Variants in NCMAP observed in about 807,000 individuals in gnomAD.
NCMAP encodes non-compact myelin associated protein.
NCMAP carries 8 observed loss-of-function variants against 7.8 expected under a neutral mutation model. The ratio of observed to expected loss-of-function variants is 1.02; its 90% confidence interval spans 0.60 to 1.84. NCMAP has a LOEUF of 1.84. NCMAP is among the 40% of genes most tolerant of loss of function. NCMAP has a pLI of 0.00. For missense variants in NCMAP, 112 were observed against 131.4 expected, an observed-to-expected ratio of 0.85 and a Z score of 0.72; for synonymous variants, 41 against 52.9, an observed-to-expected ratio of 0.78 and a Z score of 0.98.
At chr1:24,567,614 G>C (rs1651264796) in intron 1 of NCMAP, among the ~76,000 whole-genome samples, 1 of 151,928 alleles carries the variant, frequency 6.6e-6, no homozygotes, top group Admixed American at 6.6e-5. Context: ...AACTAGAGAG[G>C]AGTCGCAAAG....
intron 2 of NCMAP, 25 bp from the exon 3 acceptor site, chr1:24,600,915 G>T (rs755779908): frequency 5.0e-6 from 8 of 1,610,752 alleles, no homozygotes; most frequent in Non-Finnish European, 6.8e-6. Flanking sequence ...CACATTCACG[G>T]TCTCTGCTTC....
At chr1:24,596,784 AG>A (rs1652244101) in intron 2 of NCMAP, among the ~76,000 whole-genome samples, 1 of 152,242 alleles carries the variant, frequency 6.6e-6, no homozygotes, top group Non-Finnish European at 1.5e-5. Context: ...AAATGAATGT[AG>A]GCGGGAAGAG....
At chr1:24,581,301 G>C (rs1029887469) in intron 1 of NCMAP, among the ~76,000 whole-genome samples, 1 of 152,090 alleles carries the variant, frequency 6.6e-6, no homozygotes, top group Non-Finnish European at 1.5e-5. Flanking sequence ...ATTTTTAGTA[G>C]AGATGGGGTT....
intron 2 of NCMAP, among the ~76,000 whole-genome samples, chr1:24,596,673 G>C (rs544788504): frequency 4.6e-4 from 70 of 152,296 alleles, no homozygotes; most frequent in African/African-American, 1.6e-3. Context: ...GTGACAGAGC[G>C]AGAACTTGTC....
chr1:24,597,631 GAAAGAAAGAA>G (rs1652289898), intron 2 of NCMAP, among the ~76,000 whole-genome samples: 2 of 113,018 alleles, frequency 1.8e-5, no homozygotes, highest in African/African-American at 7.9e-5. Flanking sequence ...AAGAAAGAAA[GAAAGAAAGAA>G]AGAAAGAAAG....
intron 1 of NCMAP, among the ~76,000 whole-genome samples, chr1:24,565,234 C>A (rs1308863834): frequency 6.6e-6 from 1 of 151,126 alleles, no homozygotes; most frequent in African/African-American, 2.4e-5. Flanking sequence ...TCTGCCATAA[C>A]CAGGAAAGTG....
chr1:24,579,811 T>C (rs1420799125), intron 1 of NCMAP, among the ~76,000 whole-genome samples: 2 of 152,216 alleles, frequency 1.3e-5, no homozygotes, highest in East Asian at 1.9e-4. Context: ...AGCCTCTCCA[T>C]AGGCCGACTG....
intron 3 of NCMAP, among the ~76,000 whole-genome samples, chr1:24,602,321 T>TTTATAAAGGGAG (rs1390180480): frequency 2.5e-4 from 37 of 149,510 alleles, no homozygotes; most frequent in African/African-American, 7.9e-4. Flanking sequence ...ATGAATATTA[T>TTTATAAAGGGAG]CCTGTAATCC....
intron 2 of NCMAP, among the ~76,000 whole-genome samples, chr1:24,597,946 A>T (rs1027286167): frequency 6.6e-6 from 1 of 151,084 alleles, no homozygotes; most frequent in Non-Finnish European, 1.5e-5. Flanking sequence ...TTGTCTGGAG[A>T]TATCTTAGTA....
At chr1:24,587,526 CT>C (rs768561596) in intron 1 of NCMAP, among the ~76,000 whole-genome samples, 3 of 151,802 alleles carry the variant, frequency 2.0e-5, no homozygotes, top group Non-Finnish European at 4.4e-5. Context: ...CTTTTCTTTT[CT>C]TTTTTTTACA....
chr1:24,583,147 C>G (rs1192371613), intron 1 of NCMAP, among the ~76,000 whole-genome samples: 2 of 152,120 alleles, frequency 1.3e-5, no homozygotes, highest in Non-Finnish European at 2.9e-5. Context: ...CAGTGATTCT[C>G]AAGCAGAGAA....
chr1:24,577,494 C>G (rs1373562215), intron 1 of NCMAP, among the ~76,000 whole-genome samples: 1 of 145,360 alleles, frequency 6.9e-6, no homozygotes, highest in Non-Finnish European at 1.5e-5. Flanking sequence ...AGGCTGGCCT[C>G]CAGCTCCTGG....
At chr1:24,564,378 TG>T (rs1465584874) in intron 1 of NCMAP, among the ~76,000 whole-genome samples, 1 of 151,170 alleles carries the variant, frequency 6.6e-6, no homozygotes, top group Non-Finnish European at 1.5e-5. Flanking sequence ...GGTGTGGTGG[TG>T]GGCGCCTGTA....
At chr1:24,601,139 A>G in intron 3 of NCMAP, 115 bp downstream of exon 3, 3 of 794,198 alleles carry the variant, frequency 3.8e-6, no homozygotes, top group Non-Finnish European at 6.5e-6. Flanking sequence ...CTCAGCCTTT[A>G]GTAAATGCTC....
At chr1:24,581,642 A>G (rs947799717) in intron 1 of NCMAP, among the ~76,000 whole-genome samples, 4 of 152,188 alleles carry the variant, frequency 2.6e-5, no homozygotes, top group African/African-American at 9.7e-5. Context: ...AACCCAGCGC[A>G]CTTCCTCTAG....
At chr1:24,604,188 C>CT (rs11293231) in intron 3 of NCMAP, among the ~76,000 whole-genome samples, 15 of 152,080 alleles carry the variant, frequency 9.9e-5, no homozygotes, top group South Asian at 2.1e-4. Flanking sequence ...CCAATGCAGG[C>CT]TTTTTTGGGG....
At chr1:24,590,750 G>T (rs1480876450) in intron 1 of NCMAP, among the ~76,000 whole-genome samples, 3 of 152,148 alleles carry the variant, frequency 2.0e-5, no homozygotes, top group Non-Finnish European at 4.4e-5. Context: ...GGGGACTACA[G>T]GCACACACCA....
chr1:24,576,766 GT>G lies in NCMAP; in HGVS notation c.-7-18654del, dbSNP rs1260791107. ...CCCCATCTCAGGCCTCTCTGTTGGA[GT>G]TTTCAAGATGGCCGTGTTAAGTAGG... On this transcript the variant is annotated intron_variant, in intron 1 of 3. Transcript: ENST00000374392. This position sits in a 1 kb window ranked among gnomAD's most constrained non-coding sequence, Gnocchi z 4.0. Among the ~76,000 whole-genome samples the G allele has an allele frequency of 6.6e-6, 1 of 152,170 alleles. No individual in the cohort carries two copies. Among genetic ancestry groups the G allele is most frequent in the Non-Finnish European group, 1.5e-5 (1 of 68,030 alleles).
intron 2 of NCMAP, 114 bp from the exon 3 acceptor site, chr1:24,600,826 C>T: frequency 1.2e-6 from 1 of 868,200 alleles, no homozygotes; most frequent in Non-Finnish European, 2.0e-6. Flanking sequence ...CAGGATGTTG[C>T]CTTCTCTCCT....
Sources: allele counts gnomAD v4.1 joint callset (sites outside exome capture counted in the v4.1 genomes callset), GRCh38; gene constraint gnomAD v4.1.1; non-coding constraint Gnocchi (gnomAD v3.1); transcripts MANE v1.5; gene names NCBI Gene and HGNC (gene_info 2026-07-23, HGNC 2026-07-21).